MPP7: variants seen among roughly 807,000 people sequenced by gnomAD.
The protein encoded by MPP7 is MAGUK p55 scaffold protein 7, also known as MAGUK p55 subfamily member 7.
Under a neutral mutation model 76.5 loss-of-function variants are expected in MPP7, and 60 were observed. The ratio of observed to expected loss-of-function variants is 0.78; its 90% CI spans 0.64 to 0.97. The LOEUF (loss-of-function observed/expected upper bound fraction) is 0.97. Ranked by LOEUF, MPP7 falls within the 50% of genes least tolerant of loss-of-function variation. MPP7 has a pLI of 0.00. For missense variants in MPP7, 641 were observed against 694.0 expected, an observed-to-expected ratio of 0.92 and a Z score of 0.86; for synonymous variants, 237 against 244.5, an observed-to-expected ratio of 0.97 and a Z score of 0.29.
chr10:28,202,097 C>T, intron 3 of MPP7, 56 bp downstream of exon 3: 2 of 1,239,606 alleles, frequency 1.6e-6, no homozygotes. Context: ...TGGTGGTGCC[C>T]CAAATATTTT....
chr10:28,320,095 C>G (rs1331416947), intron 2 of MPP7, among the ~76,000 whole-genome samples: 1 of 152,134 alleles, frequency 6.6e-6, no homozygotes, highest in East Asian at 1.9e-4. Context: ...CTGAATGTCT[C>G]TATGTAAAGG....
chr10:28,197,646 T>C (rs948491967), intron 3 of MPP7, among the ~76,000 whole-genome samples: 13 of 152,132 alleles, frequency 8.5e-5, no homozygotes, highest in Non-Finnish European at 7.3e-5. Flanking sequence ...CATCCCTTCA[T>C]TTATAAACTC....
intron 1 of MPP7, among the ~76,000 whole-genome samples, chr10:28,293,210 T>C (rs1233778826): frequency 1.4e-5 from 2 of 142,124 alleles, no homozygotes; most frequent in Non-Finnish European, 3.1e-5. Context: ...GGCAGAAAAA[T>C]GGGAAACAGA....
At chr10:28,252,760 C>T (rs1391894103) in intron 1 of MPP7, among the ~76,000 whole-genome samples, 1 of 152,092 alleles carries the variant, frequency 6.6e-6, no homozygotes, top group Non-Finnish European at 1.5e-5. Context: ...GAAATTTGAA[C>T]CTATTTAAGT....
chr10:28,313,427 A>C (rs960968014), intron 2 of MPP7, among the ~76,000 whole-genome samples: 1 of 152,086 alleles, frequency 6.6e-6, no homozygotes, highest in African/African-American at 2.4e-5. Flanking sequence ...AATCTCTTGA[A>C]CCTGGGAGGC....
At chr10:28,323,134 C>A (rs1249351) in intron 2 of MPP7, among the ~76,000 whole-genome samples, 85,476 of 151,824 alleles carry the variant, frequency 0.56, 25,822 homozygotes, top group African/African-American at 0.8. Flanking sequence ...AAAATACAAA[C>A]AATTAGCCGG....
intron 3 of MPP7, among the ~76,000 whole-genome samples, chr10:28,165,968 T>G (rs984127905): frequency 7.4e-6 from 1 of 135,910 alleles, no homozygotes; most frequent in Non-Finnish European, 1.5e-5. Context: ...GAGGTTGCAG[T>G]GAGCCAAGAT....
chr10:28,301,314 T>A (rs757275947), intron 1 of MPP7, among the ~76,000 whole-genome samples: 2 of 152,218 alleles, frequency 1.3e-5, no homozygotes, highest in Non-Finnish European at 2.9e-5. Flanking sequence ...GAGCTAGAGA[T>A]GCAAACACAA....
In MPP7 at chr10:28,058,573, G is replaced by C; in HGVS notation, c.1329C>G (p.Asn443Lys). 6.3e-7 allele frequency: 1 copy of C among 1,599,634 alleles called. No homozygotes were observed. The highest frequency in any genetic ancestry group is 8.5e-7 in the Non-Finnish European group (1 of 1,172,058). The change falls in exon 15 of 17, where the codon AAC (asparagine) becomes AAG (lysine). Residue 443 changes from asparagine (N) to lysine (K), a missense_variant. Transcript: ENST00000683449. ...CTGAGTCTATACTTGTGCCGTAGTA[G>C]TTGTTTTTATATTCTCCATATTCAA... is the stretch of plus-strand genomic sequence containing the variant. ...KFIEYGEYKN[N>K]YYGTSIDSVR...
At chr10:28,288,611 T>C (rs764697089) in intron 1 of MPP7, among the ~76,000 whole-genome samples, 16 of 152,114 alleles carry the variant, frequency 1.1e-4, no homozygotes, top group Non-Finnish European at 1.8e-4. Context: ...ATGGTAAACA[T>C]TGATAGATAT....
At chr10:28,232,731 T>C (rs565941516) in intron 2 of MPP7, among the ~76,000 whole-genome samples, 66 of 152,280 alleles carry the variant, frequency 4.3e-4, no homozygotes, top group African/African-American at 1.6e-3. Context: ...TCATAAACTA[T>C]GTCTTATGTG....
chr10:28,071,450 A>C (rs1852236445), intron 12 of MPP7, among the ~76,000 whole-genome samples: 1 of 152,126 alleles, frequency 6.6e-6, no homozygotes, highest in Non-Finnish European at 1.5e-5. Context: ...ACCTTTCTCC[A>C]CACTGCTGTC....
At chr10:28,138,802 A>G (rs1835424047) in intron 5 of MPP7, among the ~76,000 whole-genome samples, 2 of 152,266 alleles carry the variant, frequency 1.3e-5, no homozygotes, top group South Asian at 4.1e-4. Context: ...ATATAAATGT[A>G]CAGAATTATC....
At chr10:28,252,355 G>A (rs1347125361) in intron 1 of MPP7, among the ~76,000 whole-genome samples, 5 of 152,136 alleles carry the variant, frequency 3.3e-5, no homozygotes, top group Non-Finnish European at 7.3e-5. Context: ...TTCCATAGTA[G>A]GGCATTCCCC....
chr10:28,147,573 A>G lies in MPP7; in HGVS notation c.235-10T>C, dbSNP rs755518914. On this transcript the variant is annotated splice_polypyrimidine_tract_variant and intron_variant, in intron 4 of 16. Transcript: ENST00000683449. Reference sequence around the variant, plus strand: ...GAAGCTCTTCGGCCAGCTGCAACGGAGATTACATTGACTTAAAGAACATTT... The same window carrying G: ...GAAGCTCTTCGGCCAGCTGCAACGGGGATTACATTGACTTAAAGAACATTT... 12 of 1,612,704 alleles carry G rather than the reference A, an allele frequency of 7.4e-6. No individual in the cohort carries two copies. The Admixed American group carries it at 1.7e-4, about 22-fold the overall frequency.
chr10:28,185,137 T>C (rs1837191917), intron 3 of MPP7, among the ~76,000 whole-genome samples: 1 of 148,434 alleles, frequency 6.7e-6, no homozygotes, highest in South Asian at 2.1e-4. Context: ...GAGACCAGCC[T>C]ATATTATATA....
intron 11 of MPP7, among the ~76,000 whole-genome samples, chr10:28,109,020 G>A (rs563171047): frequency 7.2e-5 from 11 of 152,222 alleles, no homozygotes; most frequent in South Asian, 4.2e-4. Flanking sequence ...AGTCTCGGTC[G>A]CTCACACCTG....
intron 3 of MPP7, among the ~76,000 whole-genome samples, chr10:28,173,226 TG>T (rs921344579): frequency 1.0e-4 from 13 of 127,078 alleles, no homozygotes; most frequent in African/African-American, 3.9e-4. Flanking sequence ...TGAGTAGCGA[TG>T]AAAAAAAAAA....
chr10:28,274,572 C>T (rs374158285), intron 1 of MPP7, among the ~76,000 whole-genome samples: 13 of 152,062 alleles, frequency 8.5e-5, no homozygotes, highest in African/African-American at 2.9e-4. Context: ...TTAGAAGATT[C>T]TTTGGCTCCC....
Sources: allele counts gnomAD v4.1 joint callset (sites outside exome capture counted in the v4.1 genomes callset), GRCh38; gene constraint gnomAD v4.1.1; transcripts MANE v1.5; gene names NCBI Gene and HGNC (gene_info 2026-07-23, HGNC 2026-07-21).